Variants in MDGA2 observed in about 807,000 individuals in gnomAD.
MDGA2 encodes MAM domain containing glycosylphosphatidylinositol anchor 2.
A neutral mutation model predicts 117.8 loss-of-function variants in MDGA2; 40 were observed. The ratio of observed to expected loss-of-function variants is 0.34; its 90% confidence interval spans 0.26 to 0.44. The LOEUF (loss-of-function observed/expected upper bound fraction) is 0.44, where lower values mean the gene tolerates loss of function less well. Ranked by LOEUF, MDGA2 falls within the 20% of genes least tolerant of loss-of-function variation. The pLI is 1.00. For missense variants in MDGA2, 1,123 were observed against 1,250.6 expected, an observed-to-expected ratio of 0.90 and a Z score of 1.54; for synonymous variants, 452 against 439.0, an observed-to-expected ratio of 1.03 and a Z score of -0.37.
At chr14:46,901,296 C>A (rs187272446) in intron 10 of MDGA2, among the ~76,000 whole-genome samples, 36 of 152,094 alleles carry the variant, frequency 2.4e-4, no homozygotes, top group African/African-American at 8.4e-4. Context: ...AACAAACCTG[C>A]ACGTTGTGCA....
intron 3 of MDGA2, among the ~76,000 whole-genome samples, chr14:47,180,403 G>C (rs530923091): frequency 2.0e-5 from 3 of 152,176 alleles, no homozygotes; most frequent in Admixed American, 1.3e-4. Flanking sequence ...ATCAATAGAG[G>C]AAACAGACAA....
chr14:47,001,751 G>C (rs1887537533), intron 8 of MDGA2, among the ~76,000 whole-genome samples: 1 of 152,006 alleles, frequency 6.6e-6, no homozygotes, highest in South Asian at 2.1e-4. Flanking sequence ...TACATATCCT[G>C]GTTAGGTTAC....
chr14:47,233,587 T>C (rs936999318), intron 2 of MDGA2, among the ~76,000 whole-genome samples: 1 of 152,118 alleles, frequency 6.6e-6, no homozygotes, highest in African/African-American at 2.4e-5. Flanking sequence ...AGGTGGGTCA[T>C]TAAAGCAAGA....
chr14:47,097,231 C>G (rs1880027947), intron 5 of MDGA2, 108 bp from the exon 6 acceptor site: 1 of 1,181,052 alleles, frequency 8.5e-7, no homozygotes, highest in African/African-American at 1.5e-5. Flanking sequence ...GAAATATAGT[C>G]CTCTTTTGCC....
intron 14 of MDGA2, among the ~76,000 whole-genome samples, chr14:46,866,072 C>A (rs1229841893): frequency 6.7e-6 from 1 of 148,196 alleles, no homozygotes; most frequent in African/African-American, 2.5e-5. Flanking sequence ...AAAAAAGAGC[C>A]CGCATCACCA....
At chr14:46,956,648 GA>G (rs34551284) in intron 9 of MDGA2, among the ~76,000 whole-genome samples, 280 of 146,328 alleles carry the variant, frequency 1.9e-3, no homozygotes, top group African/African-American at 3.2e-3. Flanking sequence ...GATTTGAATA[GA>G]AAAAAAAAAA....
rs71112467 is a variant in MDGA2 at position 46,864,545 on chromosome 14, G to GTTTT, written c.2752+8884_2752+8887dup. 3.8e-3 allele frequency among the ~76,000 whole-genome samples: 196 copies of GTTTT among 51,458 alleles called. 22 individuals carry two copies. The highest frequency in any genetic ancestry group is 0.011 in the East Asian group (20 of 1,824). 33.8% of individuals were successfully genotyped at this position (51,458 alleles called of 152,430 possible). On this transcript the variant is annotated intron_variant, in intron 14 of 16. Transcript: ENST00000399232. ...TTTGTTGCGCTTTGCAGATATTGCT[G>GTTTT]TTTTTTTTTTTTTTTTTTTTTTTTT...
intron 1 of MDGA2, among the ~76,000 whole-genome samples, chr14:47,415,869 A>T (rs544762509): frequency 6.6e-6 from 1 of 152,056 alleles, no homozygotes; most frequent in Non-Finnish European, 1.5e-5. Flanking sequence ...GGCCTCTTTT[A>T]TAAGGGTGCT....
chr14:47,102,716 T>G (rs1880411644), intron 5 of MDGA2, among the ~76,000 whole-genome samples: 1 of 152,164 alleles, frequency 6.6e-6, no homozygotes, highest in African/African-American at 2.4e-5. Flanking sequence ...CTGGCTCAGG[T>G]GCTTATCTAT....
chr14:47,585,730 T>C (rs78898098), intron 1 of MDGA2, among the ~76,000 whole-genome samples: 2,208 of 151,996 alleles, frequency 0.015, 50 homozygotes, highest in East Asian at 0.12. Context: ...TCTCCCTCTC[T>C]CTACCTATTC....
At chr14:47,624,757 A>G (rs77814731) in intron 1 of MDGA2, among the ~76,000 whole-genome samples, 14,032 of 152,238 alleles carry the variant, frequency 0.092, 684 homozygotes, top group Middle Eastern at 0.12. Context: ...CTAGGGAAAC[A>G]TAACATTTCT....
intron 10 of MDGA2, among the ~76,000 whole-genome samples, chr14:46,905,533 T>C (rs781718253): frequency 6.6e-6 from 1 of 152,166 alleles, no homozygotes. Context: ...TTGAAATGCA[T>C]GCAAATGCAA....
intron 3 of MDGA2, among the ~76,000 whole-genome samples, chr14:47,181,809 C>T (rs970374371): frequency 6.6e-6 from 1 of 152,206 alleles, no homozygotes; most frequent in African/African-American, 2.4e-5. Flanking sequence ...CAATATACAT[C>T]ATGAGCTAGT....
intron 2 of MDGA2, among the ~76,000 whole-genome samples, chr14:47,254,877 A>G (rs1887565611): frequency 6.6e-6 from 1 of 152,222 alleles, no homozygotes; most frequent in African/African-American, 2.4e-5. Context: ...AAGAGGAAGC[A>G]AACATATTCT....
At chr14:46,986,805 C>T (rs1259540463) in intron 8 of MDGA2, among the ~76,000 whole-genome samples, 1 of 152,092 alleles carries the variant, frequency 6.6e-6, no homozygotes, top group East Asian at 1.9e-4. Context: ...GTAACTTATT[C>T]TACACTTTTT....
intron 4 of MDGA2, among the ~76,000 whole-genome samples, chr14:47,134,844 A>C: frequency 6.6e-6 from 1 of 151,772 alleles, no homozygotes. Flanking sequence ...TCATTCTGAA[A>C]GATTTACTGC....
At chr14:47,174,382 G>C (rs1393955852) in intron 3 of MDGA2, among the ~76,000 whole-genome samples, 2 of 152,006 alleles carry the variant, frequency 1.3e-5, no homozygotes, top group Non-Finnish European at 1.5e-5. Context: ...TTCCAAAATT[G>C]ACCACATAGT....
At chr14:47,582,718 C>A (rs1032480861) in intron 1 of MDGA2, among the ~76,000 whole-genome samples, 4 of 151,824 alleles carry the variant, frequency 2.6e-5, no homozygotes, top group East Asian at 1.9e-4. Context: ...GCTACATAAC[C>A]ATTATTCTAC....
At chr14:47,100,443 A>G (rs1880239793) in intron 5 of MDGA2, among the ~76,000 whole-genome samples, 1 of 152,166 alleles carries the variant, frequency 6.6e-6, no homozygotes. Context: ...TAATTGAATT[A>G]TCTCATTACT....
Sources: allele counts gnomAD v4.1 joint callset (sites outside exome capture counted in the v4.1 genomes callset), GRCh38; gene constraint gnomAD v4.1.1; transcripts MANE v1.5; gene names NCBI Gene and HGNC (gene_info 2026-07-23, HGNC 2026-07-21).